Variants in MEI4 observed in about 807,000 individuals in gnomAD.
The protein encoded by MEI4 is meiosis-specific protein MEI4.
A neutral mutation model predicts 31.4 loss-of-function variants in MEI4; 27 were observed. The ratio of observed to expected loss-of-function variants is 0.86; its 90% CI spans 0.63 to 1.19. The LOEUF (loss-of-function observed/expected upper bound fraction) is 1.19, where lower values mean the gene tolerates loss of function less well. MEI4 is among the 50% of genes most tolerant of loss of function. The pLI is 0.00. For missense variants in MEI4, 329 were observed against 398.9 expected (o/e 0.82, Z 1.49); for synonymous variants, 122 against 145.4 (o/e 0.84, Z 1.16).
chr6:77,850,584 T>C (rs558460886), intron 4 of MEI4, among the ~76,000 whole-genome samples: 4 of 152,360 alleles, frequency 2.6e-5, no homozygotes, highest in African/African-American at 9.6e-5. Flanking sequence ...GCTAGCCATA[T>C]GTAGAAAGCT....
At chr6:77,855,458 G>A (rs113145659) in intron 4 of MEI4, among the ~76,000 whole-genome samples, 126 of 152,266 alleles carry the variant, frequency 8.3e-4, no homozygotes, top group African/African-American at 2.8e-3. Flanking sequence ...CTTATGGTTC[G>A]TAAGGCTGAG....
chr6:77,747,507 A>T (rs966451461), intron 2 of MEI4, among the ~76,000 whole-genome samples: 6 of 152,232 alleles, frequency 3.9e-5, no homozygotes, highest in South Asian at 2.1e-4. Context: ...AGCCCCTTAT[A>T]AAACCATCAG....
At chr6:77,738,252 G>A (rs1767306862) in intron 2 of MEI4, among the ~76,000 whole-genome samples, 1 of 152,148 alleles carries the variant, frequency 6.6e-6, no homozygotes, top group Admixed American at 6.6e-5. Context: ...CTTTTGTGTT[G>A]TTTTTTGAAG....
rs561942157 is a variant in MEI4 at position 77,822,106 on chromosome 6, CTCTT to C, written c.769-6816_769-6813del. ...TTTTTCTTTTGACCATTGAGGACCTCTCTTTCTTTCTTACGAATTCTGCATTACA... is the reference window on the plus strand; with the variant it reads ...TTTTTCTTTTGACCATTGAGGACCTCTCTTTCTTACGAATTCTGCATTACA... On this transcript the variant is annotated intron_variant, in intron 3 of 4. Coordinates refer to ENST00000684080, the MANE Select transcript of MEI4 (RefSeq NM_001322247.2). Among the ~76,000 whole-genome samples, 702 of 152,216 alleles carry C rather than the reference CTCTT, an allele frequency of 4.6e-3. 7 individuals are homozygous for C. Among genetic ancestry groups the C allele is most frequent in the South Asian group, 0.022 (104 of 4,820 alleles).
At chr6:77,661,388 A>G (rs962381109) in intron 1 of MEI4, among the ~76,000 whole-genome samples, 1 of 152,122 alleles carries the variant, frequency 6.6e-6, no homozygotes, top group East Asian at 1.9e-4. Flanking sequence ...AAGGGAAGAA[A>G]CGACCGCGGT....
intron 3 of MEI4, among the ~76,000 whole-genome samples, chr6:77,815,313 GAT>G (rs1769663913): frequency 6.6e-6 from 1 of 151,984 alleles, no homozygotes; most frequent in Non-Finnish European, 1.5e-5. Context: ...GTTATTAAAG[GAT>G]AATATCTGTA....
intron 2 of MEI4, among the ~76,000 whole-genome samples, chr6:77,735,890 G>A (rs4269340): frequency 5.3e-5 from 8 of 151,236 alleles, no homozygotes; most frequent in African/African-American, 1.9e-4. Context: ...GGAGTACCCG[G>A]CCGTGTGAGG....
chr6:77,923,492 G>T lies in MEI4; in HGVS notation c.*146G>T. ...AATTATCAATTCAACTTAATGGTTAGTCTTAAATTGTATGAAATTTTATGA... is the reference window on the plus strand; with the variant it reads ...AATTATCAATTCAACTTAATGGTTATTCTTAAATTGTATGAAATTTTATGA... On this transcript the variant is annotated 3_prime_UTR_variant, in exon 5 of 5. Transcript: ENST00000684080. 1 of 708,112 alleles carries T rather than the reference G, an allele frequency of 1.4e-6. No individual in the cohort carries two copies. Among genetic ancestry groups the T allele is most frequent in the Non-Finnish European group, 1.9e-6 (1 of 514,406 alleles). The allele number at this position is 708,112 out of a possible 1,614,324, so 43.9% of individuals were successfully genotyped here. A position where few individuals can be genotyped will look rare whatever the true frequency, so the allele number is the denominator to read the frequency against.
At chr6:77,919,403 A>T (rs956813831) in intron 4 of MEI4, among the ~76,000 whole-genome samples, 1 of 151,968 alleles carries the variant, frequency 6.6e-6, no homozygotes, top group Non-Finnish European at 1.5e-5. Context: ...TGACTACTGG[A>T]TACATAACGA....
chr6:77,655,358 A>G (rs968468347), intron 1 of MEI4, among the ~76,000 whole-genome samples: 1 of 152,156 alleles, frequency 6.6e-6, no homozygotes, highest in Admixed American at 6.5e-5. Context: ...CAGTGCTGCA[A>G]TGAGCTCTTT....
intron 1 of MEI4, among the ~76,000 whole-genome samples, chr6:77,690,381 A>G (rs1331596007): frequency 6.6e-6 from 1 of 151,992 alleles, no homozygotes; most frequent in African/African-American, 2.4e-5. Context: ...AAACAACTAA[A>G]TGAATTAATA....
At chr6:77,751,685 G>A (rs1397486676) in intron 2 of MEI4, among the ~76,000 whole-genome samples, 2 of 152,068 alleles carry the variant, frequency 1.3e-5, no homozygotes, top group South Asian at 4.1e-4. Flanking sequence ...TCTACCAGAG[G>A]TACAAAAAGG....
chr6:77,790,040 T>C (rs1398643724), intron 3 of MEI4, among the ~76,000 whole-genome samples: 2 of 151,682 alleles, frequency 1.3e-5, no homozygotes, highest in Non-Finnish European at 2.9e-5. Flanking sequence ...ATTAAGAAAA[T>C]GTGGCACATA....
At chr6:77,882,659 G>T (rs1513012) in intron 4 of MEI4, among the ~76,000 whole-genome samples, 1 of 152,062 alleles carries the variant, frequency 6.6e-6, no homozygotes. Flanking sequence ...ACTTTCCTGC[G>T]CAGACTACTT....
At chr6:77,798,739 G>A (rs995452381) in intron 3 of MEI4, among the ~76,000 whole-genome samples, 11 of 148,368 alleles carry the variant, frequency 7.4e-5, no homozygotes, top group Non-Finnish European at 8.9e-5. Flanking sequence ...GAGAATATGC[G>A]GTGTTTGGTT....
At chr6:77,841,156 G>A (rs1470229628) in intron 4 of MEI4, among the ~76,000 whole-genome samples, 1 of 151,300 alleles carries the variant, frequency 6.6e-6, no homozygotes, top group Non-Finnish European at 1.5e-5. Context: ...ATATGCTGAT[G>A]AAACAAAGCT....
chr6:77,738,283 C>G (rs1767307660), intron 2 of MEI4, among the ~76,000 whole-genome samples: 1 of 152,168 alleles, frequency 6.6e-6, no homozygotes, highest in Non-Finnish European at 1.5e-5. Context: ...GAAGACAATT[C>G]AGCTAAAACG....
At chr6:77,757,158 T>C (rs1461691444) in intron 2 of MEI4, among the ~76,000 whole-genome samples, 1 of 152,190 alleles carries the variant, frequency 6.6e-6, no homozygotes, top group Non-Finnish European at 1.5e-5. Flanking sequence ...CAAAATAACA[T>C]ATCTTTCAGG....
intron 2 of MEI4, among the ~76,000 whole-genome samples, chr6:77,750,660 CAAT>C (rs1767746083): frequency 6.6e-6 from 1 of 152,086 alleles, no homozygotes; most frequent in African/African-American, 2.4e-5. Context: ...GACTCCCACA[CAAT>C]AATATTGGGA....
Sources: allele counts gnomAD v4.1 joint callset (sites outside exome capture counted in the v4.1 genomes callset), GRCh38; gene constraint gnomAD v4.1.1; transcripts MANE v1.5; gene names NCBI Gene and HGNC (gene_info 2026-07-23, HGNC 2026-07-21).